MOCOS: variants seen among roughly 807,000 people sequenced by gnomAD.
MOCOS encodes human molybdenum cofactor sulfurase.
A neutral mutation model predicts 83.6 loss-of-function variants in MOCOS; 86 were observed. The ratio of observed to expected loss-of-function variants is 1.03; its 90% CI spans 0.86 to 1.23. The LOEUF is 1.23. Among genes scored for constraint, MOCOS ranks in the 50% most tolerant of loss-of-function variants. The pLI, the probability that MOCOS is intolerant of heterozygous loss-of-function variation, is 0.00. For synonymous variants in MOCOS, 445 were observed against 434.7 expected, an observed-to-expected ratio of 1.02 and a Z score of -0.29; for missense variants, 1,120 against 1,126.9, an observed-to-expected ratio of 0.99 and a Z score of 0.09.
intron 8 of MOCOS, among the ~76,000 whole-genome samples, chr18:36,217,919 A>G (rs1420252109): frequency 6.6e-6 from 1 of 152,116 alleles, no homozygotes; most frequent in Non-Finnish European, 1.5e-5. Flanking sequence ...TCTGTTTCTG[A>G]ACTTGGGCCC....
intron 9 of MOCOS, among the ~76,000 whole-genome samples, chr18:36,240,679 A>G (rs1428780158): frequency 2.0e-5 from 3 of 151,658 alleles, no homozygotes; most frequent in Non-Finnish European, 3.0e-5. Context: ...CGAGCTTCCC[A>G]GCTGCTTTGT....
intron 13 of MOCOS, among the ~76,000 whole-genome samples, chr18:36,260,391 C>T (rs1042348984): frequency 6.6e-6 from 1 of 152,198 alleles, no homozygotes; most frequent in Non-Finnish European, 1.5e-5. Context: ...GTCAGTTTCG[C>T]ACACACCACA....
chr18:36,200,285 G>A lies in MOCOS; in HGVS notation c.902G>A (p.Gly301Glu). 1.2e-6 allele frequency: 2 copies of A among 1,614,138 alleles called. No homozygotes were observed. The highest frequency in any genetic ancestry group is 1.7e-6 in the Non-Finnish European group (2 of 1,180,020). ...GGGTASAYLA[G>E]EDFYIPRQSV... ...GGGACAGCCTCTGCGTACCTAGCAG[G>A]AGAAGACTTCTACATCCCGAGGCAG... Residue 301 changes from glycine to glutamate, a missense_variant, in exon 4 of 15, where the codon GGA becomes GAA. Transcript: ENST00000261326.
chr18:36,268,280 T>A (rs1442479677), intron 14 of MOCOS, among the ~76,000 whole-genome samples: 1 of 152,128 alleles, frequency 6.6e-6, no homozygotes, highest in African/African-American at 2.4e-5. Flanking sequence ...GGGACAGAGA[T>A]GTGCCCAGCA....
At chr18:36,210,369 T>A (rs1032953941) in intron 6 of MOCOS, among the ~76,000 whole-genome samples, 36 of 152,130 alleles carry the variant, frequency 2.4e-4, no homozygotes, top group African/African-American at 8.4e-4. Context: ...ATGGCAGCTG[T>A]GCAGACCCCT....
At position 36,239,274 on chromosome 18, in the gene MOCOS, A is replaced by T. The variant is rs200389489; in HGVS notation, c.1961-9648A>T. On this transcript the variant is annotated intron_variant, in intron 9 of 14. Transcript: ENST00000261326. The stretch of plus-strand genomic sequence containing the variant: ...GCATGATTTTGCAGCGGCTGGTACC[A>T]GTTTTTCCTTTCCATGTTTAGCGCT... 6.6e-5 allele frequency among the ~76,000 whole-genome samples: 10 copies of T among 151,458 alleles called. 1 individual carries two copies. The South Asian group carries it at 2.1e-3, about 32-fold the overall frequency.
rs34171207 is a variant in MOCOS, at chr18:36,218,837, TTTTATTTATTTATTTA to T, written c.1798-1186_1798-1171del. ...GCCCAGCTCTACTCACTTTATTTTA[TTTTATTTATTTATTTA>T]TTTATTTATTTATTTATTTATTTAT... is the stretch of plus-strand genomic sequence containing the variant. On this transcript the variant is annotated intron_variant, in intron 8 of 14. Transcript: ENST00000261326. Among the ~76,000 whole-genome samples the T allele has an allele frequency of 1.1e-3, 149 of 133,958 alleles. 1 individual carries two copies. The highest frequency in any genetic ancestry group is 3.6e-3 in the Middle Eastern group (1 of 276). The allele number at this position is 133,958 out of a possible 152,430, so 87.9% of individuals were successfully genotyped here.
At position 36,220,895 on chromosome 18, in the gene MOCOS, C is replaced by T. The variant is rs184605386; in HGVS notation, c.1960+678C>T. Among the ~76,000 whole-genome samples the T allele has an allele frequency of 7.4e-4, 111 of 150,482 alleles. 1 individual carries two copies. The highest frequency in any genetic ancestry group is 2.6e-3 in the African/African-American group (108 of 40,848). On this transcript the variant is annotated intron_variant, in intron 9 of 14. Coordinates refer to ENST00000261326, the MANE Select transcript of MOCOS (RefSeq NM_017947.4). The stretch of plus-strand genomic sequence containing the variant: ...AGTGAGCCCAGATCGCACCACTGCA[C>T]TCCAGCTTGGGCAACAGAGGGTGAT...
Position 36,213,427 on chromosome 18 carries a change from G to C in MOCOS, c.1280G>C (p.Gly427Ala), listed in dbSNP as rs745613666. The C allele has an allele frequency of 1.2e-6, 2 of 1,614,088 alleles. No individual in the cohort carries two copies. The highest frequency in any genetic ancestry group is 8.5e-7 in the Non-Finnish European group (1 of 1,180,024). Residue 427 changes from glycine (G) to alanine (A), a missense_variant, in exon 7 of 15, where the codon GGG (glycine) becomes GCG (alanine). Gly to Ala is a moderately conservative substitution (Grantham distance 60, BLOSUM62 0). Coordinates refer to ENST00000261326, the MANE Select transcript of MOCOS (RefSeq NM_017947.4). ...HLRTGCFCNT[G>A]ACQRHLGISN... ...CGAACTGGCTGCTTCTGTAACACTG[G>C]GGCCTGCCAGAGGCACCTGGGCATA...
At chr18:36,241,139 C>A (rs972026927) in intron 9 of MOCOS, among the ~76,000 whole-genome samples, 1 of 152,074 alleles carries the variant, frequency 6.6e-6, no homozygotes, top group Non-Finnish European at 1.5e-5. Context: ...TGTTCCTATT[C>A]GGCCATCTTG....
rs767030114 is a variant in MOCOS at position 36,248,959 on chromosome 18, T to C, written c.1998T>C (p.Ser666=). ...TAGAGGTGCCTCTTGAGGAAAATAG[T>C]GAACGGACTCAGATTCGCCAAAGCA... ...EPIEVPLEEN[S]ERTQIRQSRV... Residue 666 remains serine, a synonymous_variant, in exon 10 of 15, where the codon AGT becomes AGC. Coordinates refer to ENST00000261326, the MANE Select transcript of MOCOS (RefSeq NM_017947.4). The C allele has an allele frequency of 6.2e-7, 1 of 1,614,188 alleles. No individual in the cohort carries two copies. Among genetic ancestry groups the C allele is most frequent in the Admixed American group, 1.7e-5 (1 of 60,016 alleles).
chr18:36,227,379 G>A (rs1271186752), intron 9 of MOCOS, among the ~76,000 whole-genome samples: 2 of 151,374 alleles, frequency 1.3e-5, no homozygotes, highest in African/African-American at 4.9e-5. Flanking sequence ...CTACTGATAT[G>A]TGCTGCCATG....
At chr18:36,217,802 TACAGAATGTAACCC>T (rs2091480774) in intron 8 of MOCOS, among the ~76,000 whole-genome samples, 2 of 152,198 alleles carry the variant, frequency 1.3e-5, no homozygotes, top group South Asian at 4.1e-4. Flanking sequence ...GTATGAAACT[TACAGAATGTAACCC>T]ACAGCTGTTT....
intron 11 of MOCOS, among the ~76,000 whole-genome samples, chr18:36,256,599 A>G (rs2091642545): frequency 6.6e-6 from 1 of 151,732 alleles, no homozygotes. Context: ...ACAGGTGTGT[A>G]CTACCACACC....
intron 9 of MOCOS, among the ~76,000 whole-genome samples, chr18:36,229,084 A>G (rs2091528533): frequency 6.6e-6 from 1 of 152,188 alleles, no homozygotes; most frequent in African/African-American, 2.4e-5. Flanking sequence ...TGCTAGGATT[A>G]AAAATGAGTT....
At chr18:36,198,580 G>A (rs2091399392) in intron 2 of MOCOS, 110 bp from the exon 3 acceptor site, 1 of 1,020,958 alleles carries the variant, frequency 9.8e-7, no homozygotes, top group Non-Finnish European at 1.5e-6. Flanking sequence ...TAGGTGATAT[G>A]GTAGTTTTAT....
intron 6 of MOCOS, among the ~76,000 whole-genome samples, chr18:36,211,327 A>ATTGGCTTTGTTCCCTGGG (rs2091454818): frequency 6.6e-6 from 1 of 152,160 alleles, no homozygotes; most frequent in African/African-American, 2.4e-5. Flanking sequence ...CATGGTGATT[A>ATTGGCTTTGTTCCCTGGG]AGAGCAGGGA....
At chr18:36,204,966 C>A in intron 5 of MOCOS, 111 bp from the exon 6 acceptor site, 1 of 968,396 alleles carries the variant, frequency 1.0e-6, no homozygotes, top group Non-Finnish European at 1.5e-6. Context: ...GCACTCCAGC[C>A]TGGGTGACAG....
At chr18:36,191,076 C>G (rs2091364204) in intron 1 of MOCOS, among the ~76,000 whole-genome samples, 1 of 150,324 alleles carries the variant, frequency 6.7e-6, no homozygotes, top group African/African-American at 2.4e-5. Context: ...TCACAAGCAC[C>G]TTCTCTCTCT....
Sources: gnomAD v4.1 joint callset for allele counts (sites outside exome capture counted in the v4.1 genomes callset) on GRCh38, gnomAD v4.1.1 for gene constraint, MANE v1.5 for transcripts, NCBI Gene and HGNC (gene_info 2026-07-23, HGNC 2026-07-21) for gene names.